Variants in RBFOX1 observed in about 807,000 individuals in gnomAD.
RBFOX1 encodes the protein RNA binding protein fox-1 homolog 1.
A neutral mutation model predicts 57.7 loss-of-function variants in RBFOX1; 8 were observed. That is an observed-to-expected ratio of 0.14 (90% confidence interval 0.08 to 0.25). The LOEUF (loss-of-function observed/expected upper bound fraction) is 0.25. Ranked by LOEUF, RBFOX1 falls within the 10% of genes least tolerant of loss-of-function variation. The pLI, the probability that RBFOX1 is intolerant of heterozygous loss-of-function variation, is 1.00. For missense variants in RBFOX1, 611 were observed against 548.5 expected (o/e 1.11, Z -1.14); for synonymous variants, 326 against 222.4 (o/e 1.47, Z -4.15).
At chr16:6,985,331 A>G (rs1180313274) in intron 3 of RBFOX1, among the ~76,000 whole-genome samples, 6 of 152,180 alleles carry the variant, frequency 3.9e-5, no homozygotes, top group African/African-American at 1.4e-4. Flanking sequence ...TGATAGGTTA[A>G]CTTATGCTGC....
chr16:5,477,680 G>T lies in RBFOX1; in HGVS notation c.258+10426G>T, dbSNP rs1597225964. On this transcript the variant is annotated intron_variant, in intron 2 of 2. Coordinates refer to the RBFOX1 transcript ENST00000585867. ...CAAATCTTCCTATCTGGGGGCTGGG[G>T]TGCATATAACACCAGTCTCTCTTCT... 2.0e-5 allele frequency among the ~76,000 whole-genome samples: 3 copies of T among 152,122 alleles called. No homozygotes were observed. The South Asian group carries it at 6.2e-4, about 32-fold the overall frequency.
At chr16:5,654,790 CCTCT>C (rs143669657) in intron 3 of RBFOX1, among the ~76,000 whole-genome samples, 4 of 149,550 alleles carry the variant, frequency 2.7e-5, no homozygotes, top group African/African-American at 4.9e-5. Context: ...TTCCTTCTTT[CCTCT>C]CTCTCTCTCT....
rs557328652 is a variant in RBFOX1, at chr16:5,875,300, T to A, written c.351+7965T>A. 1.2e-4 allele frequency among the ~76,000 whole-genome samples: 18 copies of A among 152,238 alleles called. No individual in the cohort carries two copies. The South Asian group carries it at 3.7e-3, about 32-fold the overall frequency. The stretch of plus-strand genomic sequence containing the variant: ...GTTGGCCAAACTTACTCAAAAATAG[T>A]GGGAGCCATATCTGAACCAGGTTTG... On this transcript the variant is annotated intron_variant, in intron 4 of 19. Transcript: ENST00000641259.
At chr16:6,942,346 T>A (rs993692332) in intron 3 of RBFOX1, among the ~76,000 whole-genome samples, 4 of 152,150 alleles carry the variant, frequency 2.6e-5, no homozygotes, top group African/African-American at 4.8e-5. Context: ...TTTTTGATTT[T>A]TTTTTGTGAC....
At chr16:7,245,463 C>G (rs1170369929) in intron 4 of RBFOX1, among the ~76,000 whole-genome samples, 1 of 121,766 alleles carries the variant, frequency 8.2e-6, no homozygotes, top group Non-Finnish European at 1.7e-5. Context: ...AAGGTTAAAC[C>G]ATACCTGGGG....
intron 4 of RBFOX1, among the ~76,000 whole-genome samples, chr16:7,179,441 C>A (rs919138785): frequency 1.3e-5 from 2 of 152,158 alleles, no homozygotes; most frequent in Non-Finnish European, 1.5e-5. Context: ...CACAATTTGT[C>A]TGGCCTCCTC....
At chr16:6,565,058 G>C (rs536698020) in intron 2 of RBFOX1, among the ~76,000 whole-genome samples, 1 of 149,692 alleles carries the variant, frequency 6.7e-6, no homozygotes, top group African/African-American at 2.5e-5. Flanking sequence ...TTGAACCCAG[G>C]AGACAGAGGT....
At chr16:6,292,552 G>C (rs2077581338) in intron 1 of RBFOX1, among the ~76,000 whole-genome samples, 1 of 152,096 alleles carries the variant, frequency 6.6e-6, no homozygotes, top group Non-Finnish European at 1.5e-5. Flanking sequence ...GCTTTGCCTT[G>C]TAGATTTTTA....
intron 4 of RBFOX1, among the ~76,000 whole-genome samples, chr16:7,383,405 T>G (rs1325375461): frequency 2.6e-5 from 4 of 152,148 alleles, no homozygotes; most frequent in Admixed American, 6.5e-5. Flanking sequence ...TGACATTGTT[T>G]TAAGTGTTTG....
chr16:6,644,408 C>T (rs954675627), intron 2 of RBFOX1, among the ~76,000 whole-genome samples: 5 of 152,162 alleles, frequency 3.3e-5, no homozygotes, highest in Non-Finnish European at 7.3e-5. Flanking sequence ...CATTTATTTG[C>T]TGTTTAAGAA....
chr16:7,393,365 C>G (rs541702969), intron 4 of RBFOX1, among the ~76,000 whole-genome samples: 9 of 152,302 alleles, frequency 5.9e-5, no homozygotes, highest in African/African-American at 2.2e-4. Context: ...GGATGTCAAT[C>G]CACAAGTTTT....
chr16:6,911,614 T>G (rs1008292647), intron 3 of RBFOX1, among the ~76,000 whole-genome samples: 7 of 152,208 alleles, frequency 4.6e-5, no homozygotes, highest in Admixed American at 2.0e-4. Context: ...TGCTTCCAAA[T>G]CACGTCTCAC....
At chr16:7,688,260 TGAGAGAGA>T (rs141940868) in intron 14 of RBFOX1, among the ~76,000 whole-genome samples, 22 of 125,390 alleles carry the variant, frequency 1.8e-4, no homozygotes, top group African/African-American at 5.6e-4. Flanking sequence ...TGTGTGTGTG[TGAGAGAGA>T]GAGAGAGAGA....
At chr16:5,829,153 G>A (rs1189758414) in intron 3 of RBFOX1, among the ~76,000 whole-genome samples, 1 of 152,142 alleles carries the variant, frequency 6.6e-6, no homozygotes, top group Non-Finnish European at 1.5e-5. Flanking sequence ...GGAGGAAGGG[G>A]TCAATGGGGA....
Position 6,413,451 on chromosome 16 carries a change from A to C in RBFOX1, c.-64+96394A>C, listed in dbSNP as rs1463193288. Among the ~76,000 whole-genome samples the C allele has an allele frequency of 3.3e-5, 5 of 152,096 alleles. 1 individual carries two copies. The highest frequency in any genetic ancestry group is 4.1e-4 in the South Asian group (2 of 4,824). ...AGTGCTGGGGTTACAGGTGTGAGCCACTGTGTCCAGCCAAAATTTATTTTT... is the reference window on the plus strand; with the variant it reads ...AGTGCTGGGGTTACAGGTGTGAGCCCCTGTGTCCAGCCAAAATTTATTTTT... On this transcript the variant is annotated intron_variant, in intron 2 of 15. Coordinates refer to ENST00000550418, the MANE Select transcript of RBFOX1 (RefSeq NM_018723.4).
intron 2 of RBFOX1, among the ~76,000 whole-genome samples, chr16:6,424,004 C>T (rs2093849378): frequency 6.6e-6 from 1 of 152,094 alleles, no homozygotes; most frequent in South Asian, 2.1e-4. Context: ...CTTTGGGAGG[C>T]CGAGGCAGGT....
At chr16:6,877,103 C>G (rs1008129938) in intron 3 of RBFOX1, among the ~76,000 whole-genome samples, 1 of 152,172 alleles carries the variant, frequency 6.6e-6, no homozygotes, top group Non-Finnish European at 1.5e-5. Context: ...CAAGCATAGG[C>G]AGTCCCGCTG....
intron 1 of RBFOX1, among the ~76,000 whole-genome samples, chr16:6,034,135 G>A (rs1030934923): frequency 5.3e-5 from 8 of 151,840 alleles, no homozygotes; most frequent in Admixed American, 2.6e-4. Context: ...GGGAGTTCAA[G>A]ACCTGCCTGG....
intron 2 of RBFOX1, among the ~76,000 whole-genome samples, chr16:5,514,386 A>C (rs1597365566): frequency 6.6e-6 from 1 of 152,258 alleles, no homozygotes; most frequent in Admixed American, 6.5e-5. Flanking sequence ...CAAGGTGTAA[A>C]GTTTGGAGGT....
Sources: allele counts gnomAD v4.1 joint callset (sites outside exome capture counted in the v4.1 genomes callset), GRCh38; gene constraint gnomAD v4.1.1; transcripts MANE v1.5; gene names NCBI Gene and HGNC (gene_info 2026-07-23, HGNC 2026-07-21).